DCDC2B: variants seen among roughly 807,000 people sequenced by gnomAD.
The protein encoded by DCDC2B is doublecortin domain containing 2B, also known as doublecortin domain-containing protein 2B.
In DCDC2B, 41 loss-of-function variants were observed where a neutral mutation model predicts 38.9. The observed-to-expected ratio is 1.05, with a 90% CI of 0.82 to 1.37. The LOEUF (loss-of-function observed/expected upper bound fraction) is 1.37, where lower values mean the gene tolerates loss of function less well. Ranked by LOEUF, DCDC2B falls within the 40% of genes most tolerant of loss-of-function variation. The pLI is 0.00. For missense variants in DCDC2B, 453 were observed against 427.2 expected (o/e 1.06, Z -0.53); for synonymous variants, 181 against 171.9 (o/e 1.05, Z -0.41).
In DCDC2B at chr1:32,212,579, A is replaced by G. The variant is rs200413736; in HGVS notation, c.617A>G (p.Lys206Arg). ...GTGGCTGTCGGAGAGGATGAGTTCA[A>G]GGACCTTCCCTATCTGGAGCTGCTG... ...YYVAVGEDEF[K>R]DLPYLELLVP... Residue 206 changes from lysine (K) to arginine (R), a missense_variant, in exon 5 of 9, where the codon AAG becomes AGG. Lys to Arg is a conservative substitution (Grantham distance 26). Coordinates refer to ENST00000409358, the MANE Select transcript of DCDC2B (RefSeq NM_001099434.2). The G allele has an allele frequency of 3.8e-3, 6,135 of 1,614,026 alleles. 32 individuals are homozygous for G. Among genetic ancestry groups the G allele is most frequent in the Non-Finnish European group, 4.0e-3 (4,741 of 1,179,890 alleles).
Position 32,215,508 on chromosome 1 carries a change from G to A in DCDC2B, c.919G>A (p.Asp307Asn), listed in dbSNP as rs749060689. Residue 307 changes from aspartate (D) to asparagine (N), a missense_variant, in exon 8 of 9, where the codon GAT becomes AAT. Coordinates refer to ENST00000409358, the MANE Select transcript of DCDC2B (RefSeq NM_001099434.2). ...ETAGALEVAD[D>N]EDTQTEEPLD... The stretch of plus-strand genomic sequence containing the variant: ...AGCGGGGGCCCTGGAAGTAGCAGAT[G>A]ATGAAGACACTCAGACAGAGGAGCC... 2 of 1,613,850 alleles carry A rather than the reference G, an allele frequency of 1.2e-6. No individual in the cohort carries two copies. Among genetic ancestry groups the A allele is most frequent in the South Asian group, 1.1e-5 (1 of 91,080 alleles).
chr1:32,212,669 CG>C, intron 5 of DCDC2B, 33 bp downstream of exon 5: 1 of 1,612,998 alleles, frequency 6.2e-7, no homozygotes, highest in Non-Finnish European at 8.5e-7. Context: ...GGTAACAGGC[CG>C]GGCAGAGGAA....
At chr1:32,209,856 CTT>C (rs1268947814) in intron 1 of DCDC2B, among the ~76,000 whole-genome samples, 1 of 152,162 alleles carries the variant, frequency 6.6e-6, no homozygotes, top group East Asian at 1.9e-4. Context: ...AGGTCCTACT[CTT>C]AGCTCTCAGC....
In DCDC2B at chr1:32,215,979, GAGCC is replaced by G; in HGVS notation, c.*86_*89del. ...TAGCCTCCAGCAGCTTGTTCCTCAG[GAGCC>G]AGCACCTCCGCTGGGCTCACAGGGT... is the stretch of plus-strand genomic sequence containing the variant. On this transcript the variant is annotated 3_prime_UTR_variant, in exon 9 of 9. Transcript: ENST00000409358. The G allele has an allele frequency of 8.3e-7, 1 of 1,203,810 alleles. No individual in the cohort carries two copies. Among genetic ancestry groups the G allele is most frequent in the Non-Finnish European group, 1.2e-6 (1 of 837,154 alleles). 74.6% of individuals were successfully genotyped at this position (1,203,810 alleles called of 1,614,324 possible). A position where few individuals can be genotyped will look rare whatever the true frequency, so the allele number is the denominator to read the frequency against.
At position 32,216,040 on chromosome 1, in the gene DCDC2B, C is replaced by T. The variant is rs927262404; in HGVS notation, c.*143C>T. The stretch of plus-strand genomic sequence containing the variant: ...CGGCCTCCTCAGCCCTCCCCGTTCT[C>T]CTGCTCCTAAACCCACAGCCCAGCC... On this transcript the variant is annotated 3_prime_UTR_variant, in exon 9 of 9. Coordinates refer to ENST00000409358, the MANE Select transcript of DCDC2B (RefSeq NM_001099434.2). 2.6e-6 allele frequency: 2 copies of T among 778,878 alleles called. No homozygotes were observed. Among genetic ancestry groups the T allele is most frequent in the Non-Finnish European group, 4.2e-6 (2 of 477,030 alleles). The allele number at this position is 778,878 out of a possible 1,614,324, so 48.2% of individuals were successfully genotyped here. A position where few individuals can be genotyped will look rare whatever the true frequency, so the allele number is the denominator to read the frequency against.
intron 7 of DCDC2B, 196 bp downstream of exon 7, chr1:32,215,128 G>A (rs1330667035): frequency 8.1e-6 from 6 of 736,732 alleles, no homozygotes; most frequent in African/African-American, 1.8e-5. Context: ...AAAAAAGCTG[G>A]TACTGACCTC....
chr1:32,214,220 G>C (rs964025534), intron 6 of DCDC2B, among the ~76,000 whole-genome samples: 3 of 149,784 alleles, frequency 2.0e-5, no homozygotes, highest in Non-Finnish European at 4.4e-5. Context: ...GCTGAGGCAG[G>C]AGAATCACTT....
chr1:32,215,193 G>A, intron 7 of DCDC2B: 2 of 589,828 alleles, frequency 3.4e-6, no homozygotes, highest in Non-Finnish European at 5.8e-6. Context: ...TCTTCACAGG[G>A]CCTCATCACA....
chr1:32,214,174 T>C (rs1557533212), intron 6 of DCDC2B, among the ~76,000 whole-genome samples: 1 of 151,670 alleles, frequency 6.6e-6, no homozygotes, highest in Non-Finnish European at 1.5e-5. Context: ...TAGCTGGGCA[T>C]GGTGGTGGGT....
rs142243330 is a variant in DCDC2B, at chr1:32,215,528, G to T, written c.939G>T (p.Glu313Asp). Residue 313 changes from glutamate to aspartate, a missense_variant, in exon 8 of 9, where the codon GAG becomes GAT. Coordinates refer to ENST00000409358, the MANE Select transcript of DCDC2B (RefSeq NM_001099434.2). Reference protein sequence around the residue: ...EVADDEDTQTEEPLDQRAAQI... With the variant: ...EVADDEDTQTDEPLDQRAAQI... Reference sequence around the variant, plus strand: ...CAGATGATGAAGACACTCAGACAGAGGAGCCCTTGGATCAGGTAAGCTGTT... The same window carrying T: ...CAGATGATGAAGACACTCAGACAGATGAGCCCTTGGATCAGGTAAGCTGTT... 3 of 1,613,460 alleles carry T rather than the reference G, an allele frequency of 1.9e-6. No individual in the cohort carries two copies. The South Asian group carries it at 3.3e-5, about 18-fold the overall frequency.
chr1:32,212,301 C>T (rs1415870129), intron 4 of DCDC2B, 100 bp downstream of exon 4: 3 of 1,561,200 alleles, frequency 1.9e-6, no homozygotes, highest in Non-Finnish European at 2.6e-6. Flanking sequence ...AAAGCATGTT[C>T]CCCCACATGG....
intron 4 of DCDC2B, 79 bp downstream of exon 4, chr1:32,212,280 G>C: frequency 6.3e-7 from 1 of 1,580,876 alleles, no homozygotes; most frequent in Non-Finnish European, 8.6e-7. Context: ...TGAGGATGAA[G>C]AGGCAAAAGG....
chr1:32,215,050 CT>C, intron 7 of DCDC2B, 118 bp downstream of exon 7: 4 of 1,277,980 alleles, frequency 3.1e-6, no homozygotes, highest in Non-Finnish European at 3.1e-6. Flanking sequence ...AAAGCCGGCA[CT>C]GGAAAAAAAA....
chr1:32,212,020 C>T (rs367648944), intron 3 of DCDC2B, 50 bp from the exon 4 acceptor site: 11 of 1,592,446 alleles, frequency 6.9e-6, no homozygotes, highest in Middle Eastern at 3.3e-4. Flanking sequence ...CTTCCCCTCA[C>T]ATGTAGGGAC....
intron 8 of DCDC2B, 48 bp downstream of exon 8, chr1:32,215,591 G>C: frequency 6.4e-7 from 1 of 1,568,894 alleles, no homozygotes; most frequent in Non-Finnish European, 8.7e-7. Flanking sequence ...GAGGAGCTCT[G>C]AGCTGGAAAC....
Position 32,212,057 on chromosome 1 carries a change from CTTT to C in DCDC2B, c.396-10_396-8del. 6.2e-7 allele frequency: 1 copy of C among 1,607,838 alleles called. No individual in the cohort carries two copies. The highest frequency in any genetic ancestry group is 8.5e-7 in the Non-Finnish European group (1 of 1,175,292). On this transcript the variant is annotated splice_polypyrimidine_tract_variant and intron_variant, in intron 3 of 8. Transcript: ENST00000409358. ...CCTGGGGACACTCCCCCTTACCAGGCTTTTTGTCTCAGTGTGTTCAGGAATGGG... is the reference window on the plus strand; with the variant it reads ...CCTGGGGACACTCCCCCTTACCAGGCTTGTCTCAGTGTGTTCAGGAATGGG...
At chr1:32,211,232 A>G (rs538191171) in intron 1 of DCDC2B, 40 bp from the exon 2 acceptor site, 2 of 1,600,418 alleles carry the variant, frequency 1.2e-6, no homozygotes, top group African/African-American at 1.3e-5. Context: ...TTGAGGCCTC[A>G]GTCTCCACAA....
At position 32,215,848 on chromosome 1, in the gene DCDC2B, C is replaced by A; in HGVS notation, c.1001C>A (p.Pro334His). Residue 334 changes from proline (P) to histidine (H), a missense_variant, in exon 9 of 9, where the codon CCT (proline) becomes CAT (histidine). Physicochemically the swap from Pro to His is moderately conservative, Grantham distance 77. Coordinates refer to ENST00000409358, the MANE Select transcript of DCDC2B (RefSeq NM_001099434.2). ...VEEALSLENQ[P>H]GAGAAISASA... ...GAGGCCTTGTCCCTGGAAAACCAGC[C>A]TGGGGCTGGGGCTGCTATCTCAGCC... The A allele has an allele frequency of 6.4e-7, 1 of 1,552,950 alleles. No homozygotes were observed. The highest frequency in any genetic ancestry group is 8.7e-7 in the Non-Finnish European group (1 of 1,147,792).
chr1:32,214,487 CTTATA>C (rs1643717172), intron 6 of DCDC2B: 1 of 341,606 alleles, frequency 2.9e-6, no homozygotes, highest in Admixed American at 4.4e-5. Flanking sequence ...TCCAAGGGAA[CTTATA>C]TTATCCAGCT....
Sources: allele counts gnomAD v4.1 joint callset (sites outside exome capture counted in the v4.1 genomes callset), GRCh38; gene constraint gnomAD v4.1.1; transcripts MANE v1.5; gene names NCBI Gene and HGNC (gene_info 2026-07-23, HGNC 2026-07-21).